The following PBX1 variants were observed in gnomAD, a reference collection of about 807,000 sequenced individuals.
The protein encoded by PBX1 is PBX homeobox 1, also known as pre-B-cell leukemia transcription factor 1.
In PBX1, 6 loss-of-function variants were observed where a neutral mutation model predicts 53.4. The observed-to-expected ratio is 0.11, with a 90% CI of 0.06 to 0.22. The LOEUF (loss-of-function observed/expected upper bound fraction) is 0.22. Among genes scored for constraint, PBX1 ranks in the 10% least tolerant of loss-of-function variants. The pLI is 1.00. For synonymous variants in PBX1, 204 were observed against 212.3 expected, an observed-to-expected ratio of 0.96 and a Z score of 0.34; for missense variants, 251 against 551.4, an observed-to-expected ratio of 0.46 and a Z score of 5.46.
intron 2 of PBX1, 26 bp downstream of exon 2, chr1:164,563,337 G>A (rs1381036942): frequency 1.3e-6 from 2 of 1,521,770 alleles, no homozygotes; most frequent in Non-Finnish European, 1.8e-6. Context: ...CAACATTTTA[G>A]CATTTTCTTT....
chr1:164,824,228 T>C (rs1417195592), intron 8 of PBX1, among the ~76,000 whole-genome samples: 1 of 152,184 alleles, frequency 6.6e-6, no homozygotes, highest in Non-Finnish European at 1.5e-5. Context: ...TTAAGCCCTG[T>C]AAAGTTCAGA....
intron 2 of PBX1, among the ~76,000 whole-genome samples, chr1:164,769,637 G>C (rs1336635636): frequency 6.6e-6 from 1 of 152,186 alleles, no homozygotes; most frequent in Non-Finnish European, 1.5e-5. Flanking sequence ...AATCTAGGGA[G>C]CATGGCAAAT....
At chr1:164,857,027 A>G (rs1671992872) in intron 2 of PBX1, among the ~76,000 whole-genome samples, 1 of 152,096 alleles carries the variant, frequency 6.6e-6, no homozygotes, top group South Asian at 2.1e-4. Context: ...CCAATTCCCC[A>G]AAACCAACTA....
chr1:164,824,691 T>C (rs186528217), intron 8 of PBX1, among the ~76,000 whole-genome samples: 2 of 152,064 alleles, frequency 1.3e-5, no homozygotes, highest in Admixed American at 6.5e-5. Context: ...ATGGTGAGAG[T>C]TAAATTATAC....
At chr1:164,739,534 C>G (rs1248635914) in intron 2 of PBX1, among the ~76,000 whole-genome samples, 1 of 152,152 alleles carries the variant, frequency 6.6e-6, no homozygotes, top group Non-Finnish European at 1.5e-5. Flanking sequence ...AGCCATTGAC[C>G]TACGCAATTT....
intron 2 of PBX1, among the ~76,000 whole-genome samples, chr1:164,718,026 T>C (rs947841453): frequency 6.6e-6 from 1 of 152,220 alleles, no homozygotes; most frequent in Non-Finnish European, 1.5e-5. Flanking sequence ...CCCATTTGCG[T>C]AGATTCAAAA....
At chr1:164,585,131 G>T (rs1014159603) in intron 2 of PBX1, among the ~76,000 whole-genome samples, 6 of 152,166 alleles carry the variant, frequency 3.9e-5, no homozygotes, top group Admixed American at 3.9e-4. Context: ...GAATGGAATG[G>T]ACATCTTTCT....
At chr1:164,648,455 C>T (rs1659596108) in intron 2 of PBX1, among the ~76,000 whole-genome samples, 3 of 152,208 alleles carry the variant, frequency 2.0e-5, no homozygotes. Context: ...TAGCCACATG[C>T]CAGCTACCGT....
chr1:164,791,003 A>G (rs757431646), intron 2 of PBX1, among the ~76,000 whole-genome samples: 2 of 152,174 alleles, frequency 1.3e-5, no homozygotes, highest in Non-Finnish European at 2.9e-5. Flanking sequence ...GATATCCACC[A>G]GGGACTTAGA....
At chr1:164,669,929 G>A (rs78027795) in intron 2 of PBX1, among the ~76,000 whole-genome samples, 4,095 of 152,268 alleles carry the variant, frequency 0.027, 86 homozygotes, top group East Asian at 0.055. Flanking sequence ...TTGTCTTGAT[G>A]AATTATCATT....
intron 8 of PBX1, among the ~76,000 whole-genome samples, chr1:164,844,132 T>A (rs12756560): frequency 7.5e-5 from 11 of 147,108 alleles, no homozygotes; most frequent in East Asian, 3.9e-4. Context: ...TTTTTTTTTT[T>A]ACCAGAATTT....
intron 2 of PBX1, among the ~76,000 whole-genome samples, chr1:164,624,884 A>G (rs1238571042): frequency 6.6e-6 from 1 of 152,230 alleles, no homozygotes; most frequent in Non-Finnish European, 1.5e-5. Flanking sequence ...ACTGCTTATA[A>G]AATTTAGCAA....
intron 2 of PBX1, among the ~76,000 whole-genome samples, chr1:164,569,929 A>G (rs1488848131): frequency 6.6e-6 from 1 of 152,174 alleles, no homozygotes; most frequent in Non-Finnish European, 1.5e-5. Flanking sequence ...AGATTGGAAG[A>G]AGAGGGGGAA....
chr1:164,700,489 G>C, intron 2 of PBX1: 1 of 985,388 alleles, frequency 1.0e-6, no homozygotes, highest in Non-Finnish European at 1.2e-6. Context: ...GCACCCGAAG[G>C]TTTCTTGCTA....
chr1:164,834,402 A>G (rs1267654854), intron 8 of PBX1, among the ~76,000 whole-genome samples: 1 of 147,350 alleles, frequency 6.8e-6, no homozygotes, highest in African/African-American at 2.5e-5. Context: ...GGAGTGCAGT[A>G]GCACAGTCTT....
intron 2 of PBX1, among the ~76,000 whole-genome samples, chr1:164,634,488 C>T (rs772930716): frequency 1.5e-4 from 23 of 152,230 alleles, no homozygotes; most frequent in Middle Eastern, 6.8e-3. Context: ...CTTGGGGTAC[C>T]GTTGAAACTG....
intron 2 of PBX1, among the ~76,000 whole-genome samples, chr1:164,568,739 C>T (rs997428258): frequency 2.0e-5 from 3 of 152,188 alleles, no homozygotes; most frequent in African/African-American, 4.8e-5. Flanking sequence ...ATGGGGTAAT[C>T]GATCGTCGCT....
intron 2 of PBX1, among the ~76,000 whole-genome samples, chr1:164,690,488 G>C (rs1557944869): frequency 6.6e-6 from 1 of 152,092 alleles, no homozygotes; most frequent in Non-Finnish European, 1.5e-5. Flanking sequence ...AGAATACATT[G>C]TTCGGGCGCA....
At chr1:164,869,330 T>A (rs988659305) in intron 2 of PBX1, among the ~76,000 whole-genome samples, 8 of 152,198 alleles carry the variant, frequency 5.3e-5, no homozygotes, top group Non-Finnish European at 1.0e-4. Context: ...GCTCTGCTAG[T>A]CAGTAAGCCT....
Sources: allele counts gnomAD v4.1 joint callset (sites outside exome capture counted in the v4.1 genomes callset), GRCh38; gene constraint gnomAD v4.1.1; transcripts MANE v1.5; gene names NCBI Gene and HGNC (gene_info 2026-07-23, HGNC 2026-07-21).